The following CYB5B variants were observed in gnomAD, a reference collection of about 807,000 sequenced individuals.
CYB5B encodes the protein cytochrome b5 type B.
A neutral mutation model predicts 21.3 loss-of-function variants in CYB5B; 14 were observed. That is an observed-to-expected ratio of 0.66 (90% CI 0.43 to 1.03). The LOEUF (loss-of-function observed/expected upper bound fraction) is 1.03. Ranked by LOEUF, CYB5B falls within the 50% of genes least tolerant of loss-of-function variation. The probability of loss-of-function intolerance (pLI) is 0.00; values close to 1 mark genes in which losing one functional copy is unlikely to be tolerated. For synonymous variants in CYB5B, 69 were observed against 68.4 expected (o/e 1.01, Z -0.04); for missense variants, 166 against 185.1 (o/e 0.90, Z 0.60).
chr16:69,430,252 T>C (rs968902699), intron 1 of CYB5B, among the ~76,000 whole-genome samples: 1 of 152,192 alleles, frequency 6.6e-6, no homozygotes, highest in Non-Finnish European at 1.5e-5. Context: ...AGTCTGGCTC[T>C]GTTGTCCAGG....
intron 1 of CYB5B, 97 bp downstream of exon 1, chr16:69,424,954 G>C: frequency 7.8e-7 from 1 of 1,286,338 alleles, no homozygotes; most frequent in Non-Finnish European, 1.0e-6. Context: ...GCTTGGCTGG[G>C]GGCGATAAGG....
intron 1 of CYB5B, among the ~76,000 whole-genome samples, chr16:69,426,771 A>G (rs1864962256): frequency 6.6e-6 from 1 of 151,166 alleles, no homozygotes; most frequent in Non-Finnish European, 1.5e-5. Context: ...ACAGAGGTAC[A>G]AGTAACAGGT....
At chr16:69,461,843 A>G (rs764235310) in intron 4 of CYB5B, among the ~76,000 whole-genome samples, 15 of 152,140 alleles carry the variant, frequency 9.9e-5, no homozygotes, top group South Asian at 2.1e-4. Context: ...TAGCTTTGGG[A>G]TTTGGGGTGC....
At chr16:69,436,335 G>A (rs1346862595) in intron 1 of CYB5B, among the ~76,000 whole-genome samples, 2 of 152,198 alleles carry the variant, frequency 1.3e-5, no homozygotes, top group African/African-American at 4.8e-5. Flanking sequence ...ATGGCATTGT[G>A]AGAATCAGTG....
At chr16:69,435,051 GA>G (rs1394452937) in intron 1 of CYB5B, among the ~76,000 whole-genome samples, 1 of 152,020 alleles carries the variant, frequency 6.6e-6, no homozygotes, top group African/African-American at 2.4e-5. Flanking sequence ...TTTTTGACTT[GA>G]AAGCATTTTT....
chr16:69,458,446 G>A (rs1490879090), intron 3 of CYB5B, among the ~76,000 whole-genome samples: 1 of 152,122 alleles, frequency 6.6e-6, no homozygotes, highest in Non-Finnish European at 1.5e-5. Flanking sequence ...GGATAATGCT[G>A]TGAAGTTTGT....
intron 1 of CYB5B, among the ~76,000 whole-genome samples, chr16:69,436,713 T>C (rs1383892417): frequency 1.3e-5 from 2 of 152,256 alleles, no homozygotes; most frequent in African/African-American, 4.8e-5. Context: ...TCTTAATGTT[T>C]CTGGATTTCA....
chr16:69,454,561 G>A (rs1235974337), intron 3 of CYB5B, among the ~76,000 whole-genome samples: 1 of 152,146 alleles, frequency 6.6e-6, no homozygotes, highest in African/African-American at 2.4e-5. Context: ...GTATTAAGGG[G>A]GAGAAATCTT....
intron 3 of CYB5B, among the ~76,000 whole-genome samples, chr16:69,453,353 G>A (rs1053209346): frequency 6.6e-6 from 1 of 151,928 alleles, no homozygotes; most frequent in Non-Finnish European, 1.5e-5. Context: ...GGAATATATT[G>A]TTTATAATTA....
chr16:69,451,804 AGCCGGCC>A (rs1438569184), intron 3 of CYB5B, among the ~76,000 whole-genome samples: 1 of 152,028 alleles, frequency 6.6e-6, no homozygotes, highest in Non-Finnish European at 1.5e-5. Flanking sequence ...ACAAAAAATT[AGCCGGCC>A]GTGGCGGCGG....
rs1567476119 is a variant in CYB5B at position 69,459,085 on chromosome 16, T to A, written c.334-8T>A. 37 of 1,588,814 alleles carry A rather than the reference T, an allele frequency of 2.3e-5. No individual in the cohort carries two copies. Among genetic ancestry groups the A allele is most frequent in the South Asian group, 5.9e-5 (5 of 85,218 alleles). ...TTATTTTTGAATTTTTTTTTTTTTT[T>A]ATTTCAGGACCCTTCAAAAAATGAT... On this transcript the variant is annotated splice_region_variant and splice_polypyrimidine_tract_variant and intron_variant, in intron 3 of 4. Transcript: ENST00000307892.
intron 1 of CYB5B, among the ~76,000 whole-genome samples, chr16:69,434,862 C>CA (rs569014074): frequency 0.48 from 55,239 of 116,116 alleles, 13,198 homozygotes; most frequent in South Asian, 0.56. Flanking sequence ...GACTTCATCT[C>CA]AAAAAAAAAA....
intron 4 of CYB5B, among the ~76,000 whole-genome samples, chr16:69,460,369 G>A (rs1207509885): frequency 6.6e-6 from 1 of 152,092 alleles, no homozygotes. Flanking sequence ...AGTAGAATAT[G>A]AGAAAAAGAT....
At chr16:69,459,855 GTAAATT>G (rs1444468828) in intron 4 of CYB5B, among the ~76,000 whole-genome samples, 1 of 152,078 alleles carries the variant, frequency 6.6e-6, no homozygotes, top group Non-Finnish European at 1.5e-5. Context: ...CAAACTATTA[GTAAATT>G]TAGTTTCCTT....
At chr16:69,452,313 CAAAAAAAAAAAA>C (rs34934716) in intron 3 of CYB5B, among the ~76,000 whole-genome samples, 2 of 79,080 alleles carry the variant, frequency 2.5e-5, no homozygotes, top group African/African-American at 9.0e-5. Context: ...GACTCCGCCT[CAAAAAAAAAAAA>C]AAAAAAAAAG....
intron 1 of CYB5B, among the ~76,000 whole-genome samples, chr16:69,439,087 T>C (rs1567471782): frequency 6.6e-6 from 1 of 152,146 alleles, no homozygotes; most frequent in Non-Finnish European, 1.5e-5. Context: ...GATTTTAGCT[T>C]TTATATTTAG....
chr16:69,462,578 C>A lies in CYB5B; in HGVS notation c.*58C>A. Reference sequence around the variant, plus strand: ...CTTTGGGGCGAAAACTAGAGACTTGCTTGGGGGCTGCAGAAGTGCCCTCTC... The same window carrying A: ...CTTTGGGGCGAAAACTAGAGACTTGATTGGGGGCTGCAGAAGTGCCCTCTC... On this transcript the variant is annotated 3_prime_UTR_variant, in exon 5 of 5. Transcript: ENST00000307892. 7.0e-7 allele frequency: 1 copy of A among 1,432,110 alleles called. No homozygotes were observed. The highest frequency in any genetic ancestry group is 9.8e-7 in the Non-Finnish European group (1 of 1,019,470). 88.7% of individuals were successfully genotyped at this position (1,432,110 alleles called of 1,614,324 possible).
At position 69,464,284 on chromosome 16, in the gene CYB5B, T is replaced by C. The variant is rs1043527576; in HGVS notation, c.*1764T>C. 13 of 152,254 alleles carry C rather than the reference T, an allele frequency of 8.5e-5. No homozygotes were observed. Among genetic ancestry groups the C allele is most frequent in the Admixed American group, 7.2e-4 (11 of 15,286 alleles). The allele number at this position is 152,254 out of a possible 1,614,324, so 9.4% of individuals were successfully genotyped here. On this transcript the variant is annotated 3_prime_UTR_variant, in exon 5 of 5. Transcript: ENST00000307892. ...TATTTGGGAGTAATTTTAGGAGATT[T>C]CTGGCTGACTTTTATTATCAGGGAT...
chr16:69,439,984 T>C (rs1174924482), intron 1 of CYB5B, among the ~76,000 whole-genome samples: 1 of 152,202 alleles, frequency 6.6e-6, no homozygotes, highest in African/African-American at 2.4e-5. Flanking sequence ...TCTTTCTGCC[T>C]CAGCCTCCCA....
Sources: allele counts gnomAD v4.1 joint callset (sites outside exome capture counted in the v4.1 genomes callset), GRCh38; gene constraint gnomAD v4.1.1; transcripts MANE v1.5; gene names NCBI Gene and HGNC (gene_info 2026-07-23, HGNC 2026-07-21).